The following ABI1 variants were observed in gnomAD, a reference collection of about 807,000 sequenced individuals.
ABI1 encodes the protein abl interactor 1.
In ABI1, 14 loss-of-function variants were observed where a neutral mutation model predicts 54.6. That is an observed-to-expected ratio of 0.26 (90% CI 0.17 to 0.40). ABI1 has a LOEUF of 0.40. ABI1 is among the 10% of genes least tolerant of loss of function. The pLI is 1.00. For missense variants in ABI1, 443 were observed against 598.3 expected, an observed-to-expected ratio of 0.74 and a Z score of 2.71; for synonymous variants, 194 against 209.3, an observed-to-expected ratio of 0.93 and a Z score of 0.63.
chr10:26,814,860 T>G (rs1418770382), intron 2 of ABI1, among the ~76,000 whole-genome samples: 1 of 152,170 alleles, frequency 6.6e-6, no homozygotes, highest in Non-Finnish European at 1.5e-5. Flanking sequence ...TAAGGTTTAG[T>G]TTATCCAAGT....
intron 1 of ABI1, among the ~76,000 whole-genome samples, chr10:26,848,449 A>G (rs2050151889): frequency 1.3e-5 from 2 of 152,238 alleles, no homozygotes; most frequent in African/African-American, 2.4e-5. Context: ...AAATTACTAA[A>G]TTTTTGGTAT....
At chr10:26,829,920 C>G (rs1019687284) in intron 1 of ABI1, among the ~76,000 whole-genome samples, 1 of 152,058 alleles carries the variant, frequency 6.6e-6, no homozygotes, top group African/African-American at 2.4e-5. Context: ...TAAATGGGTA[C>G]AGTAGTATAA....
At chr10:26,818,759 A>T (rs77515686) in intron 2 of ABI1, among the ~76,000 whole-genome samples, 2 of 151,992 alleles carry the variant, frequency 1.3e-5, no homozygotes, top group Non-Finnish European at 2.9e-5. Flanking sequence ...TGGGAGACCG[A>T]GGTGGGTGGA....
intron 9 of ABI1, 139 bp downstream of exon 9, chr10:26,755,516 C>T: frequency 1.6e-6 from 1 of 622,528 alleles, no homozygotes; most frequent in Non-Finnish European, 2.7e-6. Flanking sequence ...CCGTGCTCTT[C>T]AGTTTCAGTA....
At position 26,817,383 on chromosome 10, in the gene ABI1, C is replaced by T. The variant is rs143566716; in HGVS notation, c.285+5755G>A. Among the ~76,000 whole-genome samples the T allele has an allele frequency of 3.6e-3, 545 of 152,276 alleles. 5 individuals are homozygous for T. Among genetic ancestry groups the T allele is most frequent in the East Asian group, 0.029 (152 of 5,178 alleles). On this transcript the variant is annotated intron_variant, in intron 2 of 10. Coordinates refer to ENST00000376140, the MANE Select transcript of ABI1 (RefSeq NM_001012750.3). The stretch of plus-strand genomic sequence containing the variant: ...TCAAGAACCAGCATGAATCACTCTA[C>T]ACTAGATTCTGTTCTACAAAAAAAA...
chr10:26,761,090 G>C (rs372833569), intron 7 of ABI1, among the ~76,000 whole-genome samples: 1 of 151,712 alleles, frequency 6.6e-6, no homozygotes, highest in African/African-American at 2.4e-5. Flanking sequence ...ATATAGGAGA[G>C]TGCCACCAAA....
chr10:26,758,426 A>G (rs1358368348), intron 8 of ABI1, among the ~76,000 whole-genome samples: 1 of 152,196 alleles, frequency 6.6e-6, no homozygotes, highest in Non-Finnish European at 1.5e-5. Context: ...ACTTCCTAAC[A>G]TTATATGCTA....
chr10:26,783,083 C>T lies in ABI1; in HGVS notation c.286-5842G>A, dbSNP rs188029367. Among the ~76,000 whole-genome samples, 320 of 152,256 alleles carry T rather than the reference C, an allele frequency of 2.1e-3. 5 individuals are homozygous for T. Among genetic ancestry groups the T allele is most frequent in the Admixed American group, 0.019 (293 of 15,294 alleles). ...ATCCATCAACAGATCAATGGATGCA[C>T]AAAATGTGATATATACATACAATAG... On this transcript the variant is annotated intron_variant, in intron 2 of 10. Coordinates refer to ENST00000376140, the MANE Select transcript of ABI1 (RefSeq NM_001012750.3).
At chr10:26,777,363 TG>T in intron 2 of ABI1, 122 bp from the exon 3 acceptor site, 1 of 654,950 alleles carries the variant, frequency 1.5e-6, no homozygotes. Flanking sequence ...TATTTTCCAG[TG>T]AATACTATTA....
At chr10:26,857,732 T>A (rs1016930660) in intron 1 of ABI1, among the ~76,000 whole-genome samples, 2 of 149,166 alleles carry the variant, frequency 1.3e-5, no homozygotes, top group African/African-American at 5.0e-5. Context: ...ACCTGTGGTC[T>A]CAGCTACATG....
At chr10:26,806,020 C>T (rs2046853130) in intron 2 of ABI1, among the ~76,000 whole-genome samples, 1 of 152,200 alleles carries the variant, frequency 6.6e-6, no homozygotes. Flanking sequence ...CCATGCATGT[C>T]TTTCTCTAAT....
chr10:26,850,033 T>A (rs2050266099), intron 1 of ABI1, among the ~76,000 whole-genome samples: 1 of 152,242 alleles, frequency 6.6e-6, no homozygotes, highest in African/African-American at 2.4e-5. Flanking sequence ...CACAATTATG[T>A]GCACAGCCTA....
At chr10:26,813,697 C>T (rs1462380418) in intron 2 of ABI1, among the ~76,000 whole-genome samples, 1 of 139,710 alleles carries the variant, frequency 7.2e-6, no homozygotes. Flanking sequence ...AAGAAGCAGA[C>T]ATGAGAACCC....
chr10:26,801,688 T>C (rs2046573973), intron 2 of ABI1, among the ~76,000 whole-genome samples: 1 of 152,232 alleles, frequency 6.6e-6, no homozygotes, highest in African/African-American at 2.4e-5. Context: ...ATAAAATTTC[T>C]CTAAAAAGAT....
intron 1 of ABI1, among the ~76,000 whole-genome samples, chr10:26,850,070 C>T (rs1305540129): frequency 6.6e-6 from 1 of 152,196 alleles, no homozygotes; most frequent in Non-Finnish European, 1.5e-5. Context: ...TTTTCCACTA[C>T]ACAACTGTGT....
At chr10:26,756,941 A>C (rs1838394782) in intron 8 of ABI1, among the ~76,000 whole-genome samples, 1 of 152,174 alleles carries the variant, frequency 6.6e-6, no homozygotes, top group South Asian at 2.1e-4. Flanking sequence ...TGTATAGCTA[A>C]AGATAACATT....
intron 7 of ABI1, among the ~76,000 whole-genome samples, chr10:26,760,488 C>T (rs1838984587): frequency 6.6e-6 from 1 of 152,150 alleles, no homozygotes; most frequent in Non-Finnish European, 1.5e-5. Context: ...TTTGAATCAT[C>T]CACATGCTCA....
intron 2 of ABI1, among the ~76,000 whole-genome samples, chr10:26,799,253 G>A (rs1009196168): frequency 2.0e-5 from 3 of 151,872 alleles, no homozygotes; most frequent in Non-Finnish European, 4.4e-5. Flanking sequence ...GATATATTCT[G>A]CATATTAATA....
intron 8 of ABI1, among the ~76,000 whole-genome samples, chr10:26,757,120 A>G (rs1838416250): frequency 6.6e-6 from 1 of 152,138 alleles, no homozygotes; most frequent in Non-Finnish European, 1.5e-5. Context: ...AATGAAAAAG[A>G]AAAGCTATGC....
Sources: allele counts gnomAD v4.1 joint callset (sites outside exome capture counted in the v4.1 genomes callset), GRCh38; gene constraint gnomAD v4.1.1; transcripts MANE v1.5; gene names NCBI Gene and HGNC (gene_info 2026-07-23, HGNC 2026-07-21).